Variants in GRIP1 observed in about 807,000 individuals in gnomAD.
GRIP1 encodes glutamate receptor interacting protein 1.
In GRIP1, 45 loss-of-function variants were observed where a neutral mutation model predicts 129.9. The ratio of observed to expected loss-of-function variants is 0.35; its 90% CI spans 0.27 to 0.44. GRIP1 has a LOEUF of 0.44. GRIP1 is among the 20% of genes least tolerant of loss of function. GRIP1 has a pLI of 1.00. For synonymous variants in GRIP1, 530 were observed against 520.8 expected, an observed-to-expected ratio of 1.02 and a Z score of -0.24; for missense variants, 1,196 against 1,396.8, an observed-to-expected ratio of 0.86 and a Z score of 2.29.
intron 1 of GRIP1, among the ~76,000 whole-genome samples, chr12:67,040,072 C>T (rs1271155997): frequency 6.6e-6 from 1 of 152,146 alleles, no homozygotes; most frequent in East Asian, 1.9e-4. Flanking sequence ...CTGACAGCCT[C>T]TACGCTGCTT....
At chr12:67,020,942 C>G (rs1159125499) in intron 1 of GRIP1, among the ~76,000 whole-genome samples, 1 of 151,704 alleles carries the variant, frequency 6.6e-6, no homozygotes, top group African/African-American at 2.4e-5. Context: ...TCTACAAATA[C>G]AAAAATTTAG....
intron 1 of GRIP1, among the ~76,000 whole-genome samples, chr12:66,616,789 T>C (rs1592653174): frequency 6.6e-6 from 1 of 152,150 alleles, no homozygotes; most frequent in Non-Finnish European, 1.5e-5. Context: ...CTCTGAGCAC[T>C]GCCTCTCTGT....
chr12:66,491,327 T>C (rs1020024801), intron 7 of GRIP1, among the ~76,000 whole-genome samples: 5 of 151,986 alleles, frequency 3.3e-5, no homozygotes, highest in African/African-American at 7.3e-5. Flanking sequence ...ATGGTTGGAG[T>C]TGGAAGCCAT....
intron 1 of GRIP1, among the ~76,000 whole-genome samples, chr12:66,858,196 CT>C (rs2040040112): frequency 1.3e-5 from 2 of 151,876 alleles, no homozygotes; most frequent in African/African-American, 4.8e-5. Context: ...TAGGAGATTA[CT>C]GTATATATAA....
intron 1 of GRIP1, among the ~76,000 whole-genome samples, chr12:66,884,616 A>G (rs1182242559): frequency 2.6e-5 from 4 of 152,252 alleles, no homozygotes; most frequent in Non-Finnish European, 5.9e-5. Context: ...CTTAACAGAA[A>G]AAAATGTAAA....
At chr12:66,389,454 C>T (rs1364741719) in intron 19 of GRIP1, among the ~76,000 whole-genome samples, 1 of 152,118 alleles carries the variant, frequency 6.6e-6, no homozygotes, top group Admixed American at 6.5e-5. Context: ...TCTTGAACTC[C>T]TGACCTCAGG....
At chr12:66,888,928 A>G (rs2040611092) in intron 1 of GRIP1, among the ~76,000 whole-genome samples, 1 of 152,254 alleles carries the variant, frequency 6.6e-6, no homozygotes, top group Non-Finnish European at 1.5e-5. Flanking sequence ...TGAAGACTAC[A>G]TTTAAATAAA....
chr12:66,388,074 T>TAA (rs888070843), intron 19 of GRIP1, among the ~76,000 whole-genome samples: 1 of 144,168 alleles, frequency 6.9e-6, no homozygotes, highest in Admixed American at 6.9e-5. Flanking sequence ...AAATTGTACG[T>TAA]AAAAAAAAAA....
At chr12:66,531,245 AAAAAAAAATATATATATATATATATATAT>A (rs1345054276) in intron 4 of GRIP1, among the ~76,000 whole-genome samples, 813 of 54,946 alleles carry the variant, frequency 0.015, 29 homozygotes, top group Admixed American at 0.033. Flanking sequence ...CAAAAAAAAA[AAAAAAAAATATATATATATATATATATAT>A]ATATATATAT....
At chr12:67,069,113 C>T in exon 1 of GRIP1, 1 of 985,008 alleles carries the variant, frequency 1.0e-6, no homozygotes, top group Non-Finnish European at 1.2e-6. Context: ...GGCATGGTGT[C>T]GCTCCCTGCG....
At chr12:66,839,765 G>A (rs1277481604) in intron 1 of GRIP1, among the ~76,000 whole-genome samples, 1 of 152,134 alleles carries the variant, frequency 6.6e-6, no homozygotes, top group African/African-American at 2.4e-5. Context: ...AGTCTGGGAG[G>A]GTGGACAAAG....
chr12:66,932,151 T>C (rs1017922159), intron 1 of GRIP1, among the ~76,000 whole-genome samples: 7 of 151,932 alleles, frequency 4.6e-5, no homozygotes, highest in Admixed American at 1.3e-4. Flanking sequence ...TGGCCACCAA[T>C]ATAAAGGCTC....
chr12:66,539,051 A>G, intron 4 of GRIP1, 27 bp downstream of exon 4: 1 of 1,587,118 alleles, frequency 6.3e-7, no homozygotes, highest in Non-Finnish European at 8.7e-7. Context: ...TGTATCCCCT[A>G]TGGATAAGGG....
chr12:66,676,533 A>G (rs114166658), intron 1 of GRIP1, among the ~76,000 whole-genome samples: 125 of 152,314 alleles, frequency 8.2e-4, no homozygotes, highest in African/African-American at 2.9e-3. Flanking sequence ...ATGCCCTACT[A>G]CTTTCAACTA....
chr12:66,416,967 G>GAAAAGA lies in GRIP1; in HGVS notation c.1838+3747_1838+3752dup, dbSNP rs757241249. Among the ~76,000 whole-genome samples, 547 of 150,964 alleles carry GAAAAGA rather than the reference G, an allele frequency of 3.6e-3. 2 individuals are homozygous for GAAAAGA. The highest frequency in any genetic ancestry group is 0.011 in the African/African-American group (473 of 41,258). On this transcript the variant is annotated intron_variant, in intron 15 of 24. Transcript: ENST00000359742. ...GACACACACACACACACAAAGAAAAGAAAAGAAAAAGAAAAAGAAAAAGAA... is the reference window on the plus strand; with the variant it reads ...GACACACACACACACACAAAGAAAAGAAAAGAAAAAGAAAAAGAAAAAGAAAAAGAA...
chr12:66,974,049 G>A (rs894500798), intron 1 of GRIP1, among the ~76,000 whole-genome samples: 1 of 150,558 alleles, frequency 6.6e-6, no homozygotes. Context: ...CTAGCCTCCT[G>A]AGTAGGTGGG....
chr12:66,865,989 A>T (rs1392702347), intron 1 of GRIP1, among the ~76,000 whole-genome samples: 3 of 152,140 alleles, frequency 2.0e-5, no homozygotes, highest in African/African-American at 7.2e-5. Context: ...GGTCTGTGTA[A>T]AGCAAGAAGA....
At chr12:66,681,244 G>C (rs76132892), upstream of GRIP1, among the ~76,000 whole-genome samples, 3,218 of 152,194 alleles carry the variant, frequency 0.021, 61 homozygotes, top group Non-Finnish European at 0.03. Flanking sequence ...GAATTCACCA[G>C]GTATTCCCAT....
chr12:67,063,309 C>T (rs954559737), intron 1 of GRIP1, among the ~76,000 whole-genome samples: 18 of 152,026 alleles, frequency 1.2e-4, no homozygotes, highest in Admixed American at 7.9e-4. Flanking sequence ...AAAGTTTAGT[C>T]GCTGTTGAAA....
Sources: allele counts gnomAD v4.1 joint callset (sites outside exome capture counted in the v4.1 genomes callset), GRCh38; gene constraint gnomAD v4.1.1; transcripts MANE v1.5; gene names NCBI Gene and HGNC (gene_info 2026-07-23, HGNC 2026-07-21).